The following PKD2L1 variants were observed in gnomAD, a reference collection of about 807,000 sequenced individuals.
PKD2L1 encodes the protein polycystin-2-like protein 1.
A neutral mutation model predicts 93.0 loss-of-function variants in PKD2L1; 77 were observed. The observed-to-expected ratio is 0.83, with a 90% confidence interval of 0.69 to 1.00. The LOEUF is 1.00. Ranked by LOEUF, PKD2L1 falls within the 50% of genes least tolerant of loss-of-function variation. The pLI, the probability that PKD2L1 is intolerant of heterozygous loss-of-function variation, is 0.00. For synonymous variants in PKD2L1, 390 were observed against 388.0 expected (o/e 1.01, Z -0.06); for missense variants, 977 against 990.9 (o/e 0.99, Z 0.19).
rs144449665 is a variant in PKD2L1, at chr10:100,325,655, A to G, written c.349+3556T>C. Among the ~76,000 whole-genome samples the G allele has an allele frequency of 5.7e-3, 873 of 152,274 alleles. 8 individuals carry two copies. The highest frequency in any genetic ancestry group is 0.02 in the African/African-American group (826 of 41,550). ...TTTCAGGGTCTTTATTAAGAGTGCA[A>G]TTCCACAGGACTTGGAGGTTTTCCG... On this transcript the variant is annotated intron_variant, in intron 2 of 15. Transcript: ENST00000318222.
chr10:100,326,856 T>G (rs1376042410), intron 2 of PKD2L1, among the ~76,000 whole-genome samples: 1 of 152,010 alleles, frequency 6.6e-6, no homozygotes, highest in Non-Finnish European at 1.5e-5. Context: ...ATGCCTTCAA[T>G]CCCTACATAA....
At chr10:100,318,764 C>A (rs1224382737) in intron 2 of PKD2L1, among the ~76,000 whole-genome samples, 2 of 151,892 alleles carry the variant, frequency 1.3e-5, no homozygotes, top group Admixed American at 6.6e-5. Flanking sequence ...CGTGATCCAC[C>A]CACCTTGGCC....
chr10:100,330,027 C>T lies in PKD2L1; in HGVS notation c.77G>A (p.Ser26Asn). Reference protein sequence around the residue: ...GSGAWDNPAYSGPPSPHGTLR... With the variant: ...GSGAWDNPAYNGPPSPHGTLR... Reference sequence around the variant, plus strand: ...CGTCCCGTGTGGGGAAGGGGGACCACTGTAGGCGGGGTTGTCCCAGGCTCC... The same window carrying T: ...CGTCCCGTGTGGGGAAGGGGGACCATTGTAGGCGGGGTTGTCCCAGGCTCC... The change falls in exon 1 of 16, where the codon AGT becomes AAT. Residue 26 changes from serine to asparagine, a missense_variant. Coordinates refer to ENST00000318222, the MANE Select transcript of PKD2L1 (RefSeq NM_016112.3). 1 of 1,613,234 alleles carries T rather than the reference C, an allele frequency of 6.2e-7. No homozygotes were observed. Among genetic ancestry groups the T allele is most frequent in the Non-Finnish European group, 8.5e-7 (1 of 1,179,474 alleles).
intron 2 of PKD2L1, among the ~76,000 whole-genome samples, chr10:100,328,970 C>T (rs1001086009): frequency 1.3e-5 from 2 of 152,188 alleles, no homozygotes; most frequent in African/African-American, 4.8e-5. Context: ...AACTGGTTTC[C>T]CCTTGTAATT....
At chr10:100,327,996 T>C (rs1218705747) in intron 2 of PKD2L1, among the ~76,000 whole-genome samples, 2 of 152,306 alleles carry the variant, frequency 1.3e-5, no homozygotes, top group Non-Finnish European at 2.9e-5. Flanking sequence ...GACTCCACTT[T>C]CAAAAGATTT....
intron 2 of PKD2L1, among the ~76,000 whole-genome samples, chr10:100,318,964 G>A (rs1189623949): frequency 1.1e-4 from 17 of 151,424 alleles, no homozygotes; most frequent in Admixed American, 1.1e-3. Context: ...TCCTGCCTCA[G>A]CTTCCCGAGT....
In PKD2L1 at chr10:100,306,855, C is replaced by CAAAAAAAAAAAAAAAAAAAAAA. The variant is rs61413476; in HGVS notation, c.350-7138_350-7137insTTTTTTTTTTTTTTTTTTTTTT. On this transcript the variant is annotated intron_variant, in intron 2 of 15. Coordinates refer to ENST00000318222, the MANE Select transcript of PKD2L1 (RefSeq NM_016112.3). ...CCTGGGCGAGAGAGTGAGACCCTGTCAAAAAAAAAAAAAAAAAAGAAAGAG... is the reference window on the plus strand; with the variant it reads ...CCTGGGCGAGAGAGTGAGACCCTGTCAAAAAAAAAAAAAAAAAAAAAAAAAAAAAAAAAAAAAAAAGAAAGAG... Among the ~76,000 whole-genome samples, 49 of 49,812 alleles carry CAAAAAAAAAAAAAAAAAAAAAA rather than the reference C, an allele frequency of 9.8e-4. 1 individual carries two copies. The highest frequency in any genetic ancestry group is 5.0e-3 in the African/African-American group (43 of 8,668). The allele number at this position is 49,812 out of a possible 152,430, so 32.7% of individuals were successfully genotyped here.
Position 100,297,623 on chromosome 10 carries a change from C to G in PKD2L1, c.732-17G>C, listed in dbSNP as rs775852530. 3.1e-6 allele frequency: 5 copies of G among 1,594,600 alleles called. No individual in the cohort carries two copies. In the South Asian group the frequency reaches 4.4e-5, roughly 14 times the overall value. ...TATGTCCACCTGCCACAGAAAATGCCAGCTGAGCCAGCCCAAAAGTTCATC... is the reference window on the plus strand; with the variant it reads ...TATGTCCACCTGCCACAGAAAATGCGAGCTGAGCCAGCCCAAAAGTTCATC... On this transcript the variant is annotated splice_polypyrimidine_tract_variant and intron_variant, in intron 4 of 15. Transcript: ENST00000318222.
Position 100,289,338 on chromosome 10 carries a change from G to A in PKD2L1, c.2251-282C>T, listed in dbSNP as rs368458294. On this transcript the variant is annotated intron_variant, in intron 14 of 15. Transcript: ENST00000318222. ...GTGGATCACCTGAGGTCAGGAGTTC[G>A]AGACCAGCCTGACCAATATGGAGAA... Among the ~76,000 whole-genome samples the A allele has an allele frequency of 1.3e-3, 192 of 152,200 alleles. 3 individuals carry two copies. In the South Asian group the frequency reaches 0.039, roughly 31 times the overall value.
At position 100,295,092 on chromosome 10, in the gene PKD2L1, A is replaced by G; in HGVS notation, c.1388T>C (p.Met463Thr). ...IFKYISFNKT[M>T]TQLSSTLARC... ...GGCCAGCGTGGAGGAGAGCTGGGTC[A>G]TGGTTTTGTTGAAGCTGATGTACTT... The change falls in exon 8 of 16, where the codon ATG becomes ACG. Residue 463 changes from methionine to threonine, a missense_variant. Coordinates refer to ENST00000318222, the MANE Select transcript of PKD2L1 (RefSeq NM_016112.3). The G allele has an allele frequency of 6.2e-7, 1 of 1,614,152 alleles. No individual in the cohort carries two copies. Among genetic ancestry groups the G allele is most frequent in the Non-Finnish European group, 8.5e-7 (1 of 1,179,974 alleles).
At chr10:100,302,085 T>A (rs1589668157) in intron 2 of PKD2L1, among the ~76,000 whole-genome samples, 2 of 152,194 alleles carry the variant, frequency 1.3e-5, no homozygotes, top group Admixed American at 1.3e-4. Context: ...TCCGCCCACT[T>A]TGGCCTCCCA....
rs749677570 is a variant in PKD2L1, at chr10:100,330,068, C to T, written c.36G>A (p.Leu12=). 2 of 1,602,320 alleles carry T rather than the reference C, an allele frequency of 1.2e-6. No homozygotes were observed. Among genetic ancestry groups the T allele is most frequent in the Non-Finnish European group, 1.7e-6 (2 of 1,172,758 alleles). ...NAVGSPEGQE[L]QKLGSGAWDN... ...CCCAGGCTCCACTCCCCAGCTTTTG[C>T]AGCTCCTGCCCCTCAGGACTTCCCA... The change falls in exon 1 of 16, where the codon CTG becomes CTA. Residue 12 remains leucine, a synonymous_variant. Transcript: ENST00000318222.
chr10:100,323,432 C>T (rs1849307580), intron 2 of PKD2L1, among the ~76,000 whole-genome samples: 1 of 152,110 alleles, frequency 6.6e-6, no homozygotes, highest in Non-Finnish European at 1.5e-5. Context: ...CCACACGCGA[C>T]TAATTTTTGT....
chr10:100,329,984 G>C lies in PKD2L1; in HGVS notation c.120C>G (p.Ile40Met), dbSNP rs200275362. The stretch of plus-strand genomic sequence containing the variant: ...GGGGCTGGAGAGGCCCCGTGCTGGA[G>C]ATGGTGCAGACTCTCAGCGTCCCGT... ...SPHGTLRVCTISSTGPLQPQP... is the reference protein window; with the variant it reads ...SPHGTLRVCTMSSTGPLQPQP... The change falls in exon 1 of 16, where the codon ATC becomes ATG. Residue 40 changes from isoleucine (I) to methionine (M), a missense_variant. Transcript: ENST00000318222. 6.2e-7 allele frequency: 1 copy of C among 1,613,964 alleles called. No homozygotes were observed. The highest frequency in any genetic ancestry group is 1.3e-5 in the African/African-American group (1 of 75,056).
chr10:100,296,090 G>T, intron 7 of PKD2L1, 32 bp downstream of exon 7: 1 of 1,546,142 alleles, frequency 6.5e-7, no homozygotes, highest in Non-Finnish European at 8.8e-7. Context: ...AGTGCGCCTT[G>T]AAGCAAAGCT....
chr10:100,321,876 C>CAGGG (rs1174688077), intron 2 of PKD2L1, among the ~76,000 whole-genome samples: 3 of 7,374 alleles, frequency 4.1e-4, no homozygotes, highest in African/African-American at 2.7e-3. Context: ...GGCAGGCAGG[C>CAGGG]AGGGAGGGAG....
intron 2 of PKD2L1, among the ~76,000 whole-genome samples, chr10:100,301,137 G>A (rs1848664979): frequency 1.3e-5 from 2 of 152,186 alleles, no homozygotes; most frequent in South Asian, 2.1e-4. Context: ...GGGAGGGAGT[G>A]TACGAATAGG....
In PKD2L1 at chr10:100,298,938, G is replaced by GTTATTA. The variant is rs59370050; in HGVS notation, c.478-129_478-124dup. ...CCAGTCTGCTTTTTAAAAAATTATT[G>GTTATTA]TTATTATTATTATTATTATTATTTT... On this transcript the variant is annotated intron_variant, in intron 3 of 15. Coordinates refer to ENST00000318222, the MANE Select transcript of PKD2L1 (RefSeq NM_016112.3). 275 of 655,742 alleles carry GTTATTA rather than the reference G, an allele frequency of 4.2e-4. 1 individual carries two copies. The African/African-American group carries it at 4.2e-3, about 10-fold the overall frequency. The allele number at this position is 655,742 out of a possible 1,614,324, so 40.6% of individuals were successfully genotyped here. A position where few individuals can be genotyped will look rare whatever the true frequency, so the allele number is the denominator to read the frequency against.
chr10:100,321,904 CAAGGAAGG>C (rs71013443), intron 2 of PKD2L1, among the ~76,000 whole-genome samples: 203 of 9,478 alleles, frequency 0.021, 21 homozygotes, highest in African/African-American at 0.098. Flanking sequence ...GGGAAGGAAG[CAAGGAAGG>C]AAGGAAGGAA....
Sources: allele counts gnomAD v4.1 joint callset (sites outside exome capture counted in the v4.1 genomes callset), GRCh38; gene constraint gnomAD v4.1.1; transcripts MANE v1.5; gene names NCBI Gene and HGNC (gene_info 2026-07-23, HGNC 2026-07-21).